PKHD1: variants seen among roughly 807,000 people sequenced by gnomAD.
The protein encoded by PKHD1 is fibrocystin.
A neutral mutation model predicts 412.0 loss-of-function variants in PKHD1; 291 were observed. The observed-to-expected ratio is 0.71, with a 90% CI of 0.64 to 0.78. The LOEUF is 0.78. PKHD1 is among the 30% of genes least tolerant of loss of function. PKHD1 has a pLI of 0.00. For synonymous variants in PKHD1, 1,777 were observed against 1,821.5 expected (o/e 0.98, Z 0.62); for missense variants, 4,825 against 4,950.7 (o/e 0.97, Z 0.76).
At chr6:51,632,032 C>A (rs946070741) in intron 65 of PKHD1, among the ~76,000 whole-genome samples, 10 of 151,562 alleles carry the variant, frequency 6.6e-5, no homozygotes, top group African/African-American at 1.9e-4. Flanking sequence ...CCTCCACCAC[C>A]ATCTAGGTTC....
chr6:51,809,659 C>T (rs934000610), intron 52 of PKHD1, among the ~76,000 whole-genome samples: 3 of 151,762 alleles, frequency 2.0e-5, no homozygotes, highest in African/African-American at 7.3e-5. Context: ...AGCATTCCAC[C>T]TATTTAGCAA....
chr6:51,982,880 T>TAAAAAAAAAAAAAAA (rs777201105), intron 35 of PKHD1, among the ~76,000 whole-genome samples: 2 of 135,890 alleles, frequency 1.5e-5, no homozygotes, highest in Admixed American at 1.5e-4. Flanking sequence ...TAAAATAAAA[T>TAAAAAAAAAAAAAAA]AAAATAAAAT....
chr6:51,919,770 G>A (rs556997432), intron 37 of PKHD1, among the ~76,000 whole-genome samples: 1 of 152,310 alleles, frequency 6.6e-6, no homozygotes, highest in Non-Finnish European at 1.5e-5. Flanking sequence ...AGCATGGAAT[G>A]TTCTTCCATT....
intron 5 of PKHD1, 95 bp from the exon 6 acceptor site, chr6:52,076,428 T>C: frequency 1.2e-6 from 1 of 855,786 alleles, no homozygotes; most frequent in Non-Finnish European, 2.0e-6. Context: ...TACTTGAAGG[T>C]AATAAATGCT....
In PKHD1 at chr6:51,772,695, T is replaced by A; in HGVS notation, c.8642+7A>T. On this transcript the variant is annotated splice_region_variant and intron_variant, in intron 55 of 66. Transcript: ENST00000371117. Reference sequence around the variant, plus strand: ...AGAAAAAGCCCTAAGTTACTCTCATTCCTTACCTCTCATTTCCTGAGGCAA... The same window carrying A: ...AGAAAAAGCCCTAAGTTACTCTCATACCTTACCTCTCATTTCCTGAGGCAA... 5 of 1,472,042 alleles carry A rather than the reference T, an allele frequency of 3.4e-6. No individual in the cohort carries two copies. Among genetic ancestry groups the A allele is most frequent in the South Asian group, 1.1e-5 (1 of 87,050 alleles). The allele number at this position is 1,472,042 out of a possible 1,614,324, so 91.2% of individuals were successfully genotyped here.
chr6:51,633,901 GT>G (rs1768226167), intron 64 of PKHD1, among the ~76,000 whole-genome samples: 1 of 152,050 alleles, frequency 6.6e-6, no homozygotes, highest in African/African-American at 2.4e-5. Flanking sequence ...AAAATAAATT[GT>G]TTGAAAACTT....
intron 52 of PKHD1, among the ~76,000 whole-genome samples, chr6:51,824,795 G>A (rs1017503045): frequency 6.6e-6 from 1 of 152,076 alleles, no homozygotes; most frequent in East Asian, 1.9e-4. Flanking sequence ...CTTCTAAGAA[G>A]AGGCTCTGGT....
intron 60 of PKHD1, among the ~76,000 whole-genome samples, chr6:51,679,974 C>T (rs370970497): frequency 2.0e-5 from 3 of 152,058 alleles, no homozygotes; most frequent in African/African-American, 7.2e-5. Flanking sequence ...TGCTTCTTAC[C>T]CTCTGTGTAA....
At chr6:51,982,142 G>A (rs1345472133) in intron 35 of PKHD1, among the ~76,000 whole-genome samples, 1 of 52,796 alleles carries the variant, frequency 1.9e-5, no homozygotes. Flanking sequence ...TCTGGGAAGT[G>A]AGGAGCGTCT....
chr6:51,897,712 G>A (rs1279595728), intron 43 of PKHD1, among the ~76,000 whole-genome samples: 2 of 145,324 alleles, frequency 1.4e-5, no homozygotes, highest in Non-Finnish European at 3.0e-5. Context: ...AAAAGACACA[G>A]ACTGGCAAAT....
intron 27 of PKHD1, 72 bp from the exon 28 acceptor site, chr6:52,035,793 A>T: frequency 7.1e-7 from 1 of 1,409,034 alleles, no homozygotes. Flanking sequence ...TATGCACAAG[A>T]TGGATAAAAT....
At chr6:51,662,533 G>A (rs976186971) in intron 60 of PKHD1, among the ~76,000 whole-genome samples, 4 of 151,494 alleles carry the variant, frequency 2.6e-5, no homozygotes, top group Non-Finnish European at 5.9e-5. Context: ...ATTTTTTAAG[G>A]AATTTAGAAA....
chr6:52,031,179 A>C (rs1802984018), intron 29 of PKHD1, among the ~76,000 whole-genome samples: 1 of 152,344 alleles, frequency 6.6e-6, no homozygotes, highest in South Asian at 2.1e-4. Context: ...CCCACCTATC[A>C]AATGAAGGAA....
At chr6:51,668,808 TG>T (rs1197839638) in intron 60 of PKHD1, among the ~76,000 whole-genome samples, 1 of 152,244 alleles carries the variant, frequency 6.6e-6, no homozygotes. Flanking sequence ...GATAATCATG[TG>T]GTTTTTGTCT....
chr6:51,678,265 T>C lies in PKHD1; in HGVS notation c.10157-18296A>G, dbSNP rs1213684448. Among the ~76,000 whole-genome samples the C allele has an allele frequency of 2.6e-5, 4 of 152,164 alleles. No individual in the cohort carries two copies. The East Asian group carries it at 7.7e-4, about 29-fold the overall frequency. The stretch of plus-strand genomic sequence containing the variant: ...TCATTTTTTTCATTGTCAAAGGGAT[T>C]GGAAATGGTACTTAATTCATAAGCT... On this transcript the variant is annotated intron_variant, in intron 60 of 66. Transcript: ENST00000371117.
intron 36 of PKHD1, among the ~76,000 whole-genome samples, chr6:51,935,094 C>A (rs1323384741): frequency 1.3e-5 from 2 of 152,168 alleles, no homozygotes; most frequent in African/African-American, 4.8e-5. Flanking sequence ...CTACGTATTT[C>A]TGTCCCTGAT....
chr6:51,970,791 T>C (rs1303398471), intron 35 of PKHD1, among the ~76,000 whole-genome samples: 3 of 152,218 alleles, frequency 2.0e-5, no homozygotes, highest in South Asian at 2.1e-4. Flanking sequence ...GGTTGTCCAT[T>C]ATATTCTATT....
chr6:51,823,574 G>C (rs1014124124), intron 52 of PKHD1, among the ~76,000 whole-genome samples: 1 of 151,976 alleles, frequency 6.6e-6, no homozygotes. Flanking sequence ...GTTCTAATTA[G>C]CCAGAAACAA....
At chr6:51,964,415 T>A (rs527288172) in intron 35 of PKHD1, among the ~76,000 whole-genome samples, 9 of 152,236 alleles carry the variant, frequency 5.9e-5, no homozygotes, top group Admixed American at 3.3e-4. Context: ...ATCCAAATCC[T>A]GGAAATAGGA....
Sources: allele counts gnomAD v4.1 joint callset (sites outside exome capture counted in the v4.1 genomes callset), GRCh38; gene constraint gnomAD v4.1.1; transcripts MANE v1.5; gene names NCBI Gene and HGNC (gene_info 2026-07-23, HGNC 2026-07-21).